GDAP1: variants seen among roughly 807,000 people sequenced by gnomAD.
GDAP1 encodes ganglioside-induced differentiation-associated protein 1.
Under a neutral mutation model 40.1 loss-of-function variants are expected in GDAP1, and 34 were observed. That is an observed-to-expected ratio of 0.85 (90% CI 0.64 to 1.13). The LOEUF is 1.13. GDAP1 is among the 50% of genes most tolerant of loss of function. The probability of loss-of-function intolerance (pLI) is 0.00; values close to 1 mark genes in which losing one functional copy is unlikely to be tolerated. For synonymous variants in GDAP1, 170 were observed against 157.4 expected, an observed-to-expected ratio of 1.08 and a Z score of -0.60; for missense variants, 374 against 433.7, an observed-to-expected ratio of 0.86 and a Z score of 1.22.
intron 2 of GDAP1, among the ~76,000 whole-genome samples, chr8:74,415,978 G>A (rs1283487854): frequency 6.7e-6 from 1 of 149,858 alleles, no homozygotes; most frequent in Non-Finnish European, 1.5e-5. Flanking sequence ...GGAGGGTCAT[G>A]GCTGGAAAGC....
chr8:74,391,187 C>T (rs538418627), intron 2 of GDAP1, among the ~76,000 whole-genome samples: 28 of 151,936 alleles, frequency 1.8e-4, no homozygotes, highest in East Asian at 1.2e-3. Context: ...GGGTAGTGAA[C>T]GGTTCGGTCT....
rs142203657 is a variant in GDAP1, at chr8:74,415,138, T to C, written c.165+63817T>C. Among the ~76,000 whole-genome samples, 421 of 150,108 alleles carry C rather than the reference T, an allele frequency of 2.8e-3. 56 individuals carry two copies. Among genetic ancestry groups the C allele is most frequent in the African/African-American group, 0.01 (410 of 39,436 alleles). ...AGTCTCAGATGAAGCAAAGCTGCTT[T>C]AAAAGAATTGCTTTAAGAGAGTTAG... On this transcript the variant is annotated intron_variant, in intron 2 of 2. Coordinates refer to the GDAP1 transcript ENST00000523640.
At chr8:74,406,186 T>C (rs1805638708) in intron 2 of GDAP1, among the ~76,000 whole-genome samples, 1 of 150,146 alleles carries the variant, frequency 6.7e-6, no homozygotes, top group South Asian at 2.1e-4. Context: ...CACTGCTGAG[T>C]TGTAATTCTT....
intron 2 of GDAP1, among the ~76,000 whole-genome samples, chr8:74,422,972 TAACA>T (rs1280675241): frequency 3.3e-5 from 5 of 150,358 alleles, no homozygotes; most frequent in Admixed American, 2.0e-4. Context: ...TCAGTTCATC[TAACA>T]AATATTTTTT....
intron 2 of GDAP1, among the ~76,000 whole-genome samples, chr8:74,385,966 A>G (rs4305896): frequency 0.53 from 80,121 of 151,912 alleles, 21,704 homozygotes; most frequent in African/African-American, 0.67. Context: ...TCATATGTTT[A>G]TTGGCCGCAT....
intron 2 of GDAP1, among the ~76,000 whole-genome samples, chr8:74,435,816 T>A (rs764353088): frequency 6.6e-6 from 1 of 152,208 alleles, no homozygotes; most frequent in Non-Finnish European, 1.5e-5. Flanking sequence ...TAGTCTAGAA[T>A]ATAAAAAAGT....
intron 2 of GDAP1, among the ~76,000 whole-genome samples, chr8:74,473,636 G>T (rs1322755044): frequency 1.3e-5 from 2 of 151,934 alleles, no homozygotes; most frequent in Non-Finnish European, 2.9e-5. Context: ...CTTATTTCTG[G>T]GCTCTCTATT....
chr8:74,456,252 A>G (rs1806335199), intron 2 of GDAP1, among the ~76,000 whole-genome samples: 1 of 151,936 alleles, frequency 6.6e-6, no homozygotes, highest in South Asian at 2.1e-4. Flanking sequence ...TGGACTTATA[A>G]AGAGGCAATG....
chr8:74,360,060 T>A, intron 2 of GDAP1, 77 bp from the exon 3 acceptor site: 1 of 950,666 alleles, frequency 1.1e-6, no homozygotes, highest in Non-Finnish European at 1.7e-6. Context: ...GATGAGTGGA[T>A]AGTGTTTTTG....
intron 2 of GDAP1, among the ~76,000 whole-genome samples, chr8:74,425,961 T>C (rs1364436741): frequency 2.0e-5 from 3 of 152,222 alleles, no homozygotes; most frequent in African/African-American, 7.2e-5. Context: ...ATTTGCATCC[T>C]GCACTGTTCT....
chr8:74,483,582 T>C (rs1806739546), intron 2 of GDAP1, among the ~76,000 whole-genome samples: 1 of 152,158 alleles, frequency 6.6e-6, no homozygotes, highest in Non-Finnish European at 1.5e-5. Flanking sequence ...TAGGGTTATA[T>C]ACATTTAAAG....
chr8:74,450,003 A>G (rs2131576451), intron 2 of GDAP1, among the ~76,000 whole-genome samples: 1 of 151,916 alleles, frequency 6.6e-6, no homozygotes, highest in Non-Finnish European at 1.5e-5. Context: ...AAAATGATAC[A>G]TTCCCATTAA....
chr8:74,474,703 T>C (rs979909308), intron 2 of GDAP1, among the ~76,000 whole-genome samples: 1 of 152,228 alleles, frequency 6.6e-6, no homozygotes, highest in Non-Finnish European at 1.5e-5. Flanking sequence ...GCTAGTATTA[T>C]GTTGAGGATT....
intron 2 of GDAP1, among the ~76,000 whole-genome samples, chr8:74,414,670 G>T (rs1239907340): frequency 6.7e-6 from 1 of 149,264 alleles, no homozygotes; most frequent in African/African-American, 2.6e-5. Flanking sequence ...AAAAAGAACA[G>T]AGCCTCAGGT....
At chr8:74,362,902 A>C (rs1291915690) in intron 4 of GDAP1, 37 bp from the exon 5 acceptor site, 2 of 908,292 alleles carry the variant, frequency 2.2e-6, no homozygotes, top group Non-Finnish European at 3.7e-6. Flanking sequence ...AAAGGTGCAA[A>C]TAATATGTTT....
chr8:74,476,322 T>C (rs1432783080), intron 2 of GDAP1, among the ~76,000 whole-genome samples: 1 of 152,194 alleles, frequency 6.6e-6, no homozygotes, highest in African/African-American at 2.4e-5. Flanking sequence ...TTGATCCTGT[T>C]ATTGTGTCAT....
chr8:74,408,609 T>C (rs1805670292), intron 2 of GDAP1, among the ~76,000 whole-genome samples: 1 of 150,020 alleles, frequency 6.7e-6, no homozygotes, highest in Admixed American at 6.6e-5. Flanking sequence ...ATCTTGGAGT[T>C]GTCAGCCTCC....
intron 2 of GDAP1, among the ~76,000 whole-genome samples, chr8:74,429,333 G>C (rs1035137043): frequency 6.6e-6 from 1 of 151,954 alleles, no homozygotes; most frequent in East Asian, 1.9e-4. Flanking sequence ...AAGTCTAAGA[G>C]ACAAATGGCT....
chr8:74,381,162 A>G (rs75127837), intron 2 of GDAP1, among the ~76,000 whole-genome samples: 16,650 of 152,086 alleles, frequency 0.11, 1,274 homozygotes, highest in African/African-American at 0.22. Flanking sequence ...GTTTATTTAT[A>G]TCAATAATAC....
Sources: gnomAD v4.1 joint callset for allele counts (sites outside exome capture counted in the v4.1 genomes callset) on GRCh38, gnomAD v4.1.1 for gene constraint, MANE v1.5 for transcripts, NCBI Gene and HGNC (gene_info 2026-07-23, HGNC 2026-07-21) for gene names.